The following MITF variants were observed in gnomAD, a reference collection of about 807,000 sequenced individuals.
MITF encodes melanocyte inducing transcription factor.
Under a neutral mutation model 60.5 loss-of-function variants are expected in MITF, and 17 were observed. That is an observed-to-expected ratio of 0.28 (90% confidence interval 0.19 to 0.42). The LOEUF (loss-of-function observed/expected upper bound fraction) is 0.42, where lower values mean the gene tolerates loss of function less well. MITF is among the 10% of genes least tolerant of loss of function. The probability of loss-of-function intolerance (pLI) is 1.00; values close to 1 mark genes in which losing one functional copy is unlikely to be tolerated. For missense variants in MITF, 622 were observed against 683.5 expected, an observed-to-expected ratio of 0.91 and a Z score of 1.00; for synonymous variants, 260 against 248.5, an observed-to-expected ratio of 1.05 and a Z score of -0.43.
At chr3:69,896,457 A>G (rs1006540442) in intron 2 of MITF, among the ~76,000 whole-genome samples, 1 of 152,182 alleles carries the variant, frequency 6.6e-6, no homozygotes, top group Admixed American at 6.5e-5. Context: ...TCCGTGGTCT[A>G]CCTTTTGAGA....
At chr3:69,880,662 A>G (rs1286933156) in intron 2 of MITF, among the ~76,000 whole-genome samples, 3 of 152,012 alleles carry the variant, frequency 2.0e-5, no homozygotes, top group African/African-American at 4.8e-5. Context: ...TGCTTGGGTG[A>G]AAATTGATAT....
At chr3:69,922,989 G>A (rs1478526883) in intron 2 of MITF, among the ~76,000 whole-genome samples, 2 of 152,172 alleles carry the variant, frequency 1.3e-5, no homozygotes, top group African/African-American at 4.8e-5. Flanking sequence ...TGTTCACTTT[G>A]GAATTGGGTA....
intron 1 of MITF, among the ~76,000 whole-genome samples, chr3:69,765,426 T>C (rs973986423): frequency 6.6e-6 from 1 of 152,246 alleles, no homozygotes; most frequent in Non-Finnish European, 1.5e-5. Context: ...ATAGAAACTC[T>C]TTAGTGAAAA....
intron 1 of MITF, among the ~76,000 whole-genome samples, chr3:69,767,768 G>A (rs2106826020): frequency 6.6e-6 from 1 of 152,270 alleles, no homozygotes; most frequent in Admixed American, 6.5e-5. Context: ...GAGGAATAGT[G>A]CTCTGGCTGC....
At chr3:69,754,973 G>A (rs2106781309) in intron 1 of MITF, among the ~76,000 whole-genome samples, 1 of 152,264 alleles carries the variant, frequency 6.6e-6, no homozygotes, top group Non-Finnish European at 1.5e-5. Context: ...GCTAAGGGAG[G>A]GAGGAGGGTA....
intron 5 of MITF, among the ~76,000 whole-genome samples, chr3:69,946,698 C>T (rs1371200723): frequency 6.6e-6 from 1 of 152,146 alleles, no homozygotes; most frequent in African/African-American, 2.4e-5. Context: ...GGAAATCTTT[C>T]AGAGAAGTAG....
intron 2 of MITF, among the ~76,000 whole-genome samples, chr3:69,905,631 CT>C (rs1197452317): frequency 6.6e-6 from 1 of 152,128 alleles, no homozygotes; most frequent in Admixed American, 6.6e-5. Flanking sequence ...TCCTTATATC[CT>C]CTCCCACACT....
At chr3:69,886,823 C>T (rs544820503) in intron 2 of MITF, among the ~76,000 whole-genome samples, 68 of 152,138 alleles carry the variant, frequency 4.5e-4, no homozygotes, top group African/African-American at 1.5e-3. Context: ...AAAAGCACTA[C>T]AGTGAAAGTT....
intron 2 of MITF, among the ~76,000 whole-genome samples, chr3:69,934,080 T>C (rs2065780245): frequency 6.6e-6 from 1 of 152,008 alleles, no homozygotes; most frequent in Non-Finnish European, 1.5e-5. Flanking sequence ...CTGTCCACAG[T>C]GGGGAGTGAC....
At chr3:69,814,105 C>A (rs973502495) in intron 1 of MITF, among the ~76,000 whole-genome samples, 2 of 151,744 alleles carry the variant, frequency 1.3e-5, no homozygotes, top group African/African-American at 2.4e-5. Flanking sequence ...ATTTCCTTTT[C>A]GACCTATTTC....
intron 1 of MITF, among the ~76,000 whole-genome samples, chr3:69,819,634 A>AAAAC (rs780411415): frequency 3.3e-5 from 5 of 151,438 alleles, no homozygotes; most frequent in Non-Finnish European, 4.4e-5. Context: ...AAAACAAAAC[A>AAAAC]AAACAAACAA....
chr3:69,959,371 G>A lies in MITF; in HGVS notation c.1130G>A (p.Arg377Gln), dbSNP rs542163629. 6.8e-6 allele frequency: 11 copies of A among 1,613,924 alleles called. No homozygotes were observed. Among genetic ancestry groups the A allele is most frequent in the South Asian group, 3.3e-5 (3 of 91,070 alleles). The change falls in exon 9 of 10, where the codon CGA becomes CAA. Residue 377 changes from arginine to glutamine, a missense_variant. Arg to Gln is a conservative substitution (Grantham distance 43). Transcript: ENST00000352241. ...CAACGCGCAAAAGAACTTGAAAACC[G>A]ACAGAAGAAACTGGAGCACGCCAAC... ...EQQRAKELEN[R>Q]QKKLEHANRH...
chr3:69,811,374 C>G (rs566323017), intron 1 of MITF, among the ~76,000 whole-genome samples: 1 of 152,234 alleles, frequency 6.6e-6, no homozygotes, highest in South Asian at 2.1e-4. Flanking sequence ...TTCTGAGAAC[C>G]CAGGTGCATG....
At chr3:69,774,944 T>A (rs1347576846) in intron 1 of MITF, among the ~76,000 whole-genome samples, 2 of 152,186 alleles carry the variant, frequency 1.3e-5, no homozygotes, top group African/African-American at 2.4e-5. Context: ...ACTTTCACAT[T>A]GCATTGCTTC....
chr3:69,910,684 T>C (rs2065204977), intron 2 of MITF, among the ~76,000 whole-genome samples: 1 of 152,148 alleles, frequency 6.6e-6, no homozygotes, highest in Non-Finnish European at 1.5e-5. Flanking sequence ...ACTTGACTGC[T>C]CCGCTGGATT....
At chr3:69,938,164 G>T in intron 3 of MITF, 115 bp downstream of exon 3, 1 of 1,266,498 alleles carries the variant, frequency 7.9e-7, no homozygotes, top group Non-Finnish European at 1.1e-6. Flanking sequence ...ACATTTACCA[G>T]CCTTTGTCCC....
At chr3:69,960,198 G>A (rs2066506153) in intron 9 of MITF, among the ~76,000 whole-genome samples, 1 of 152,160 alleles carries the variant, frequency 6.6e-6, no homozygotes, top group Non-Finnish European at 1.5e-5. Flanking sequence ...GCAGTTGATG[G>A]TCAAAATCTG....
chr3:69,847,986 CCTT>C (rs2063760557), intron 1 of MITF, among the ~76,000 whole-genome samples: 1 of 152,218 alleles, frequency 6.6e-6, no homozygotes, highest in Non-Finnish European at 1.5e-5. Context: ...AGCTTCAACT[CCTT>C]CTTTTCTATT....
intron 1 of MITF, among the ~76,000 whole-genome samples, chr3:69,756,716 A>G (rs1704163670): frequency 6.6e-6 from 1 of 152,166 alleles, no homozygotes; most frequent in South Asian, 2.1e-4. Context: ...CCACACTGTC[A>G]TCCACAATGG....
Sources: gnomAD v4.1 joint callset for allele counts (sites outside exome capture counted in the v4.1 genomes callset) on GRCh38, gnomAD v4.1.1 for gene constraint, MANE v1.5 for transcripts, NCBI Gene and HGNC (gene_info 2026-07-23, HGNC 2026-07-21) for gene names.